The following TMEM132E variants were observed in gnomAD, a reference collection of about 807,000 sequenced individuals.
The protein encoded by TMEM132E is transmembrane protein 132E.
Under a neutral mutation model 78.5 loss-of-function variants are expected in TMEM132E, and 49 were observed. That is an observed-to-expected ratio of 0.62 (90% CI 0.50 to 0.79). The LOEUF (loss-of-function observed/expected upper bound fraction) is 0.79. TMEM132E is among the 30% of genes least tolerant of loss of function. The pLI is 0.00. For missense variants in TMEM132E, 1,403 were observed against 1,470.9 expected (o/e 0.95, Z 0.75); for synonymous variants, 715 against 670.6 (o/e 1.07, Z -1.02).
chr17:34,637,185 A>C lies in TMEM132E; in HGVS notation c.2178A>C (p.Leu726=). ...TTCTCCTTCTCCTCCAGGAAGCCCT[A>C]CTGAGCCTCTGGCTCTCCTACAGTG... ...QTLSFLKQEA[L]LSLWLSYSDG... Residue 726 remains leucine, a synonymous_variant, in exon 9 of 9, where the codon CTA becomes CTC. Coordinates refer to ENST00000631683, the MANE Select transcript of TMEM132E (RefSeq NM_001304438.2). 1 of 1,600,774 alleles carries C rather than the reference A, an allele frequency of 6.2e-7. No individual in the cohort carries two copies. The highest frequency in any genetic ancestry group is 8.5e-7 in the Non-Finnish European group (1 of 1,170,104).
At chr17:34,596,701 G>A (rs1472673126) in intron 1 of TMEM132E, among the ~76,000 whole-genome samples, 1 of 151,922 alleles carries the variant, frequency 6.6e-6, no homozygotes, top group South Asian at 2.1e-4. Context: ...ACAGAACCCT[G>A]CAGGTCCTCC....
intron 2 of TMEM132E, among the ~76,000 whole-genome samples, chr17:34,628,137 A>T (rs2142081323): frequency 6.6e-6 from 1 of 152,330 alleles, no homozygotes; most frequent in East Asian, 1.9e-4. Context: ...CAGCTTTTTG[A>T]AGAACTACTA....
intron 2 of TMEM132E, 87 bp from the exon 3 acceptor site, chr17:34,628,476 C>A: frequency 5.9e-6 from 9 of 1,516,596 alleles, no homozygotes; most frequent in Middle Eastern, 1.7e-4. Flanking sequence ...CCCCCTCCCC[C>A]CAGTACAGTC....
At chr17:34,620,415 G>A (rs371658084) in intron 1 of TMEM132E, among the ~76,000 whole-genome samples, 26 of 152,358 alleles carry the variant, frequency 1.7e-4, no homozygotes, top group East Asian at 9.6e-4. Context: ...AGGGCCCACC[G>A]GGCCCAAGTC....
intron 1 of TMEM132E, 49 bp from the exon 2 acceptor site, chr17:34,626,078 C>A: frequency 1.4e-6 from 2 of 1,424,248 alleles, no homozygotes; most frequent in Non-Finnish European, 1.9e-6. Context: ...GGGGTCCCAG[C>A]GTGGCCTCTC....
chr17:34,612,345 G>T (rs921854569), intron 1 of TMEM132E, among the ~76,000 whole-genome samples: 2 of 152,170 alleles, frequency 1.3e-5, no homozygotes, highest in African/African-American at 4.8e-5. Flanking sequence ...CCAGGGGCAG[G>T]TGCCCAGAGG....
At chr17:34,615,554 A>C (rs1042055775) in intron 1 of TMEM132E, among the ~76,000 whole-genome samples, 8 of 70,708 alleles carry the variant, frequency 1.1e-4, no homozygotes, top group African/African-American at 3.5e-4. Context: ...TGTGTGTGTT[A>C]GCACAACCAC....
chr17:34,583,848 G>A (rs1175585861), intron 1 of TMEM132E, among the ~76,000 whole-genome samples: 1 of 152,230 alleles, frequency 6.6e-6, no homozygotes, highest in Non-Finnish European at 1.5e-5. Flanking sequence ...ATGTGTGAAT[G>A]GAGCCTTACT....
intron 1 of TMEM132E, among the ~76,000 whole-genome samples, chr17:34,593,002 G>A (rs1905928013): frequency 6.6e-6 from 1 of 152,218 alleles, no homozygotes; most frequent in African/African-American, 2.4e-5. Context: ...CAGCAGCCAC[G>A]TATCTCACTT....
rs1906682103 is a variant in TMEM132E, at chr17:34,613,531, C to A, written c.68-12596C>A. On this transcript the variant is annotated intron_variant, in intron 1 of 8. Coordinates refer to ENST00000631683, the MANE Select transcript of TMEM132E (RefSeq NM_001304438.2). Reference sequence around the variant, plus strand: ...CAGTCCCTAAGCCCCCCACTGCCTCCCCTGACTCCAGGATAGGGTTTTCTC... The same window carrying A: ...CAGTCCCTAAGCCCCCCACTGCCTCACCTGACTCCAGGATAGGGTTTTCTC... 2.0e-5 allele frequency among the ~76,000 whole-genome samples: 3 copies of A among 151,888 alleles called. No homozygotes were observed. The South Asian group carries it at 6.2e-4, about 32-fold the overall frequency.
intron 1 of TMEM132E, among the ~76,000 whole-genome samples, chr17:34,584,957 C>A (rs927158568): frequency 6.6e-6 from 1 of 152,160 alleles, no homozygotes; most frequent in African/African-American, 2.4e-5. Flanking sequence ...GTGTCCACAC[C>A]CCTACCCCAT....
chr17:34,599,309 C>T (rs1906157131), intron 1 of TMEM132E, among the ~76,000 whole-genome samples: 1 of 152,224 alleles, frequency 6.6e-6, no homozygotes, highest in Non-Finnish European at 1.5e-5. Context: ...CACCACGGGG[C>T]ACCTGCTAAT....
chr17:34,636,494 A>G (rs1243191946), intron 8 of TMEM132E, among the ~76,000 whole-genome samples: 1 of 151,990 alleles, frequency 6.6e-6, no homozygotes, highest in Non-Finnish European at 1.5e-5. Context: ...CCCTCACTCA[A>G]CTCTGGAGCC....
Position 34,630,017 on chromosome 17 carries a change from A to T in TMEM132E, c.1348A>T (p.Ile450Phe), listed in dbSNP as rs761220619. 6.2e-7 allele frequency: 1 copy of T among 1,609,218 alleles called. No individual in the cohort carries two copies. The highest frequency in any genetic ancestry group is 1.1e-5 in the South Asian group (1 of 90,890). ...AILPLAMDTEIINTAILTGRT... is the reference protein window; with the variant it reads ...AILPLAMDTEFINTAILTGRT... ...CTTCTCCTCCCTGCAGGACACAGAG[A>T]TCATCAACACGGCCATTCTGACTGG... The change falls in exon 5 of 9, where the codon ATC (isoleucine) becomes TTC (phenylalanine). Residue 450 changes from isoleucine to phenylalanine, a missense_variant. Ile to Phe is a conservative substitution (Grantham distance 21). Around this residue, in one of 3 missense-constraint regions of TMEM132E, gnomAD observed 888 missense variants for 952.8 expected, o/e 0.93. Transcript: ENST00000631683.
At chr17:34,615,739 C>T (rs972362321) in intron 1 of TMEM132E, among the ~76,000 whole-genome samples, 2 of 151,848 alleles carry the variant, frequency 1.3e-5, no homozygotes, top group African/African-American at 4.8e-5. Context: ...AGAGGATTCG[C>T]ATTGGGTTCA....
chr17:34,592,830 C>T (rs1267107410), intron 1 of TMEM132E, among the ~76,000 whole-genome samples: 1 of 152,286 alleles, frequency 6.6e-6, no homozygotes, highest in South Asian at 2.1e-4. Flanking sequence ...AGAGGGTCCC[C>T]CACCTCCCCA....
rs1392152138 is a variant in TMEM132E, at chr17:34,581,104, G to C, written c.28G>C (p.Gly10Arg). The change falls in exon 1 of 9, where the codon GGC (glycine) becomes CGC (arginine). Residue 10 changes from glycine to arginine, a missense_variant. Physicochemically the swap from Gly to Arg is moderately radical, Grantham distance 125. Transcript: ENST00000631683. MAPGMSGRG[G>R]AALLCLSALL... is the part of the protein sequence containing the mutation. ...GGCCCCGGGGATGTCGGGCCGCGGCGGCGCCGCCCTGCTCTGCCTCTCAGC... is the reference window on the plus strand; with the variant it reads ...GGCCCCGGGGATGTCGGGCCGCGGCCGCGCCGCCCTGCTCTGCCTCTCAGC... 1 of 1,539,726 alleles carries C rather than the reference G, an allele frequency of 6.5e-7. No homozygotes were observed. Among genetic ancestry groups the C allele is most frequent in the Admixed American group, 2.0e-5 (1 of 51,144 alleles).
intron 1 of TMEM132E, among the ~76,000 whole-genome samples, chr17:34,610,849 C>T (rs1054721458): frequency 6.6e-6 from 1 of 152,172 alleles, no homozygotes; most frequent in African/African-American, 2.4e-5. Flanking sequence ...CTGAAAAAGT[C>T]GTGATTTCTT....
chr17:34,619,825 A>C (rs1009274036), intron 1 of TMEM132E, among the ~76,000 whole-genome samples: 5 of 152,242 alleles, frequency 3.3e-5, no homozygotes, highest in African/African-American at 1.2e-4. Context: ...AGGCAAACCC[A>C]GGAGCAAGTG....
Sources: gnomAD v4.1 joint callset for allele counts (sites outside exome capture counted in the v4.1 genomes callset) on GRCh38, gnomAD v4.1.1 for gene constraint, gnomAD v4.1.1 regional missense constraint, MANE v1.5 for transcripts, NCBI Gene and HGNC (gene_info 2026-07-23, HGNC 2026-07-21) for gene names.